SV2C: variants seen among roughly 807,000 people sequenced by gnomAD.
The protein encoded by SV2C is synaptic vesicle glycoprotein 2C.
Under a neutral mutation model 79.7 loss-of-function variants are expected in SV2C, and 49 were observed. That is an observed-to-expected ratio of 0.61 (90% CI 0.49 to 0.78). SV2C has a LOEUF of 0.78. Ranked by LOEUF, SV2C falls within the 30% of genes least tolerant of loss-of-function variation. The pLI is 0.00. For missense variants in SV2C, 833 were observed against 912.9 expected (o/e 0.91, Z 1.13); for synonymous variants, 334 against 333.2 (o/e 1.00, Z -0.03).
rs530701045 is a variant in SV2C, at chr5:76,216,151, T to G, written c.913+6264T>G. 3.9e-5 allele frequency among the ~76,000 whole-genome samples: 6 copies of G among 152,326 alleles called. No individual in the cohort carries two copies. In the East Asian group the frequency reaches 1.2e-3, roughly 29 times the overall value. On this transcript the variant is annotated intron_variant, in intron 4 of 12. Transcript: ENST00000502798. Reference sequence around the variant, plus strand: ...GGTGGACAGTGGAGTCCACTCAGCCTGCTGAGACCTAGCTTTTGTACCAGT... The same window carrying G: ...GGTGGACAGTGGAGTCCACTCAGCCGGCTGAGACCTAGCTTTTGTACCAGT...
At chr5:76,074,218 C>T in the SV2C span, among the ~76,000 whole-genome samples, 6 of 152,322 alleles carry the variant, frequency 3.9e-5, no homozygotes, top group African/African-American at 1.2e-4. Flanking sequence ...TGTGCTTCTT[C>T]TGGGAAGCTG....
the SV2C span, among the ~76,000 whole-genome samples, chr5:75,930,782 C>T: frequency 2.5e-4 from 38 of 152,218 alleles, no homozygotes; most frequent in Admixed American, 9.8e-4. Context: ...GAGAATAATA[C>T]GTTAGATCTT....
At chr5:76,101,586 G>A (rs142468342) in intron 1 of SV2C, among the ~76,000 whole-genome samples, 1 of 152,222 alleles carries the variant, frequency 6.6e-6, no homozygotes, top group East Asian at 1.9e-4. Context: ...GAAACTATCA[G>A]AAGAACTTTC....
chr5:75,942,324 A>T, the SV2C span, among the ~76,000 whole-genome samples: 4 of 152,200 alleles, frequency 2.6e-5, no homozygotes, highest in African/African-American at 9.6e-5. Flanking sequence ...AAATTAATTG[A>T]ACTCAAAGAG....
At chr5:76,149,572 G>T (rs374780428) in intron 2 of SV2C, among the ~76,000 whole-genome samples, 1 of 152,218 alleles carries the variant, frequency 6.6e-6, no homozygotes, top group African/African-American at 2.4e-5. Context: ...ATAATCAGAG[G>T]TGGGGATATA....
In SV2C at chr5:76,285,781, G is replaced by A; in HGVS notation, c.1048G>A (p.Val350Ile). The change falls in exon 6 of 13, where the codon GTT (valine) becomes ATT (isoleucine). Residue 350 changes from valine (V) to isoleucine (I), a missense_variant and splice_region_variant. Val to Ile is a conservative substitution (Grantham distance 29). Transcript: ENST00000502798. The stretch of plus-strand genomic sequence containing the variant: ...TTCACTGTCCACTCTCATTTCTTAG[G>A]TTGGAAAACATGATGAAGCTTGGAT... ...MPESPRFLLE[V>I]GKHDEAWMIL... 2 of 1,613,594 alleles carry A rather than the reference G, an allele frequency of 1.2e-6. No homozygotes were observed. The highest frequency in any genetic ancestry group is 1.7e-6 in the Non-Finnish European group (2 of 1,179,842).
the SV2C span, among the ~76,000 whole-genome samples, chr5:76,055,822 G>A: frequency 6.6e-6 from 1 of 152,096 alleles, no homozygotes; most frequent in Non-Finnish European, 1.5e-5. Context: ...GAATAGGAAT[G>A]CTTGTGATTT....
At chr5:76,048,019 A>G in the SV2C span, among the ~76,000 whole-genome samples, 1 of 152,158 alleles carries the variant, frequency 6.6e-6, no homozygotes, top group South Asian at 2.1e-4. Flanking sequence ...CACAAAAGTG[A>G]TAATTGAGGT....
the SV2C span, among the ~76,000 whole-genome samples, chr5:75,901,711 C>T: frequency 6.6e-6 from 1 of 152,266 alleles, no homozygotes; most frequent in African/African-American, 2.4e-5. Context: ...CAGAGGCAGG[C>T]AGGCCTCCTT....
the SV2C span, among the ~76,000 whole-genome samples, chr5:75,871,260 AC>A: frequency 6.6e-6 from 1 of 152,240 alleles, no homozygotes; most frequent in African/African-American, 2.4e-5. Context: ...CAAAATCAAA[AC>A]ACCCAAAGTG....
the SV2C span, among the ~76,000 whole-genome samples, chr5:75,867,336 C>T: frequency 3.3e-5 from 5 of 152,098 alleles, no homozygotes; most frequent in African/African-American, 9.7e-5. Context: ...CAACACAAGA[C>T]GGATCAAGCT....
At chr5:76,045,439 A>G in the SV2C span, among the ~76,000 whole-genome samples, 1 of 152,140 alleles carries the variant, frequency 6.6e-6, no homozygotes, top group Non-Finnish European at 1.5e-5. Context: ...GTTTTTTCTA[A>G]TTCTGTGAAG....
At chr5:76,079,318 T>C (rs1746941102), upstream of SV2C, 1 of 334,502 alleles carries the variant, frequency 3.0e-6, no homozygotes, top group Non-Finnish European at 6.0e-6. Context: ...AGATGGTCAC[T>C]ATGGTAGAGA....
chr5:76,157,613 T>C (rs1163363181), intron 2 of SV2C, among the ~76,000 whole-genome samples: 4 of 138,884 alleles, frequency 2.9e-5, no homozygotes, highest in Non-Finnish European at 4.8e-5. Context: ...ACTTCACTTA[T>C]AGAAATGTAG....
chr5:76,150,332 C>T (rs775446364), intron 2 of SV2C, among the ~76,000 whole-genome samples: 25 of 152,162 alleles, frequency 1.6e-4, no homozygotes, highest in Non-Finnish European at 3.5e-4. Context: ...TGTGTGCCAC[C>T]ACGCCCAGCT....
rs889567413 is a variant in SV2C at position 76,203,603 on chromosome 5, C to G, written c.762-6133C>G. Among the ~76,000 whole-genome samples the G allele has an allele frequency of 2.6e-5, 4 of 152,044 alleles. No homozygotes were observed. The East Asian group carries it at 7.7e-4, about 29-fold the overall frequency. On this transcript the variant is annotated intron_variant, in intron 3 of 12. Transcript: ENST00000502798. ...AGTCTGCTACTGTGGATGCATAGAC[C>G]TCCACAGTTTTAGGGGGTTAGGCCA...
the SV2C span, among the ~76,000 whole-genome samples, chr5:76,051,766 G>T: frequency 6.6e-6 from 1 of 152,108 alleles, no homozygotes; most frequent in African/African-American, 2.4e-5. Flanking sequence ...TTTCTGGGTG[G>T]TGGGACTAGG....
the SV2C span, among the ~76,000 whole-genome samples, chr5:75,902,316 C>T: frequency 2.6e-5 from 4 of 152,310 alleles, no homozygotes; most frequent in South Asian, 6.2e-4. Context: ...GACACTCACA[C>T]TAACACATAG....
the SV2C span, among the ~76,000 whole-genome samples, chr5:76,072,285 A>C: frequency 1.3e-5 from 2 of 152,238 alleles, no homozygotes; most frequent in Non-Finnish European, 2.9e-5. Context: ...ATGTGTGAAC[A>C]ATTATTCAAA....
Sources: allele counts gnomAD v4.1 joint callset (sites outside exome capture counted in the v4.1 genomes callset), GRCh38; gene constraint gnomAD v4.1.1; transcripts MANE v1.5; gene names NCBI Gene and HGNC (gene_info 2026-07-23, HGNC 2026-07-21).